The following SPATA6 variants were observed in gnomAD, a reference collection of about 807,000 sequenced individuals.
SPATA6 encodes the protein spermatogenesis-associated protein 6.
Under a neutral mutation model 65.3 loss-of-function variants are expected in SPATA6, and 56 were observed. That is an observed-to-expected ratio of 0.86 (90% CI 0.69 to 1.07). SPATA6 has a LOEUF of 1.07. Among genes scored for constraint, SPATA6 ranks in the 50% least tolerant of loss-of-function variants. The probability of loss-of-function intolerance (pLI) is 0.00; values close to 1 mark genes in which losing one functional copy is unlikely to be tolerated. For synonymous variants in SPATA6, 199 were observed against 213.2 expected (o/e 0.93, Z 0.58); for missense variants, 590 against 594.8 (o/e 0.99, Z 0.08).
chr1:48,333,646 A>C (rs1645977688), intron 11 of SPATA6, among the ~76,000 whole-genome samples: 1 of 152,248 alleles, frequency 6.6e-6, no homozygotes, highest in Admixed American at 6.5e-5. Flanking sequence ...AAGCTGAGGC[A>C]GTGTTAAGAG....
chr1:48,391,428 T>A (rs1237233389), intron 8 of SPATA6, among the ~76,000 whole-genome samples: 1 of 152,034 alleles, frequency 6.6e-6, no homozygotes, highest in African/African-American at 2.4e-5. Context: ...TAATAATTTC[T>A]GGAAATAGTA....
At position 48,441,622 on chromosome 1, in the gene SPATA6, T is replaced by C. The variant is rs138432973; in HGVS notation, c.238+9930A>G. On this transcript the variant is annotated intron_variant, in intron 3 of 12. Coordinates refer to ENST00000371847, the MANE Select transcript of SPATA6 (RefSeq NM_019073.4). The stretch of plus-strand genomic sequence containing the variant: ...CAAGCTCCAGCCCTAAGCCTTCCCA[T>C]AGGACAAAACTTCTCTTTACACGTC... 5.5e-3 allele frequency among the ~76,000 whole-genome samples: 836 copies of C among 151,212 alleles called. 8 individuals are homozygous for C. The highest frequency in any genetic ancestry group is 0.019 in the African/African-American group (789 of 41,272).
At chr1:48,389,986 C>T (rs1445602306) in intron 8 of SPATA6, among the ~76,000 whole-genome samples, 1 of 152,018 alleles carries the variant, frequency 6.6e-6, no homozygotes, top group Non-Finnish European at 1.5e-5. Flanking sequence ...CAGAAAATAA[C>T]AATATGGCAG....
rs1651413349 is a variant in SPATA6 at position 48,403,787 on chromosome 1, A to G, written c.486+15T>C. 2 of 1,581,582 alleles carry G rather than the reference A, an allele frequency of 1.3e-6. No homozygotes were observed. The highest frequency in any genetic ancestry group is 2.7e-5 in the African/African-American group (2 of 73,726). On this transcript the variant is annotated intron_variant, in intron 6 of 12. Coordinates refer to ENST00000371847, the MANE Select transcript of SPATA6 (RefSeq NM_019073.4). ...TAAATTAAACCATTAAATACTTTATACAAATAATTTTAACCTGAGTGTGGC... is the reference window on the plus strand; with the variant it reads ...TAAATTAAACCATTAAATACTTTATGCAAATAATTTTAACCTGAGTGTGGC...
intron 1 of SPATA6, among the ~76,000 whole-genome samples, chr1:48,458,590 T>C (rs560028416): frequency 3.3e-5 from 5 of 152,176 alleles, no homozygotes; most frequent in East Asian, 1.9e-4. Flanking sequence ...GTCCATACAA[T>C]GAAATATTAT....
At chr1:48,397,917 GA>G (rs1445430301) in intron 7 of SPATA6, among the ~76,000 whole-genome samples, 1 of 151,470 alleles carries the variant, frequency 6.6e-6, no homozygotes, top group Non-Finnish European at 1.5e-5. Context: ...AACATTTAAA[GA>G]AAAGCAGTTA....
chr1:48,409,131 A>G (rs996955433), intron 5 of SPATA6, among the ~76,000 whole-genome samples: 1 of 152,244 alleles, frequency 6.6e-6, no homozygotes, highest in Non-Finnish European at 1.5e-5. Flanking sequence ...AAAATCAAAA[A>G]CAAGTTAGTA....
At chr1:48,439,330 G>A (rs1459275164) in intron 3 of SPATA6, among the ~76,000 whole-genome samples, 2 of 152,232 alleles carry the variant, frequency 1.3e-5, no homozygotes, top group Non-Finnish European at 2.9e-5. Context: ...TGTTTCTGCT[G>A]CTGCGATGCT....
chr1:48,388,109 G>A (rs1254465872), intron 8 of SPATA6, among the ~76,000 whole-genome samples: 1 of 152,130 alleles, frequency 6.6e-6, no homozygotes, highest in Non-Finnish European at 1.5e-5. Flanking sequence ...GCTCAATACT[G>A]CCACCACTGC....
chr1:48,463,781 GA>G (rs954875429), intron 1 of SPATA6, among the ~76,000 whole-genome samples: 4 of 151,620 alleles, frequency 2.6e-5, no homozygotes, highest in East Asian at 3.9e-4. Flanking sequence ...AAAAATAAGT[GA>G]AAAAAAGTAG....
At chr1:48,369,919 G>C (rs1647185060) in intron 9 of SPATA6, among the ~76,000 whole-genome samples, 1 of 152,148 alleles carries the variant, frequency 6.6e-6, no homozygotes, top group African/African-American at 2.4e-5. Flanking sequence ...GGCCATCTTG[G>C]CTCCACCCTC....
chr1:48,342,782 G>C (rs1041772262), intron 11 of SPATA6, among the ~76,000 whole-genome samples: 1 of 152,138 alleles, frequency 6.6e-6, no homozygotes, highest in African/African-American at 2.4e-5. Flanking sequence ...CCTGGATGCT[G>C]TTCACACATG....
rs182373014 is a variant in SPATA6, at chr1:48,369,623, G to A, written c.910-9853C>T. Reference sequence around the variant, plus strand: ...TCCTGGTGTGCCGTTTTTTAAGCCCGTCGGAAAAGCGCAGTAGTGGGGTGG... The same window carrying A: ...TCCTGGTGTGCCGTTTTTTAAGCCCATCGGAAAAGCGCAGTAGTGGGGTGG... On this transcript the variant is annotated intron_variant, in intron 9 of 12. Transcript: ENST00000371847. Among the ~76,000 whole-genome samples, 118 of 152,306 alleles carry A rather than the reference G, an allele frequency of 7.7e-4. 1 individual carries two copies. In the South Asian group the frequency reaches 0.011, roughly 14 times the overall value.
At chr1:48,431,885 T>A (rs1181038556) in intron 3 of SPATA6, among the ~76,000 whole-genome samples, 24 of 151,998 alleles carry the variant, frequency 1.6e-4, no homozygotes, top group Admixed American at 1.5e-3. Context: ...CCAAGGTGGG[T>A]GGATTGTTTG....
In SPATA6 at chr1:48,453,143, T is replaced by C; in HGVS notation, c.52-12A>G. On this transcript the variant is annotated splice_polypyrimidine_tract_variant and intron_variant, in intron 1 of 12. Coordinates refer to ENST00000371847, the MANE Select transcript of SPATA6 (RefSeq NM_019073.4). ...CCTGGGCAAGTTACCTGAAAGAAAT[T>C]AGATAAAATGGATGTAACTGCTTTA... 6.2e-7 allele frequency: 1 copy of C among 1,606,928 alleles called. No individual in the cohort carries two copies. Among genetic ancestry groups the C allele is most frequent in the Non-Finnish European group, 8.5e-7 (1 of 1,177,746 alleles).
intron 11 of SPATA6, among the ~76,000 whole-genome samples, chr1:48,313,283 G>A (rs1465092036): frequency 2.0e-5 from 3 of 152,204 alleles, no homozygotes; most frequent in East Asian, 1.9e-4. Flanking sequence ...AATGTTAAGG[G>A]CAGCCAGAGA....
At chr1:48,360,543 G>C (rs1646782230) in intron 9 of SPATA6, among the ~76,000 whole-genome samples, 1 of 145,374 alleles carries the variant, frequency 6.9e-6, no homozygotes, top group Non-Finnish European at 1.6e-5. Context: ...AAAGATCTTG[G>C]GAGTAGGAGG....
In SPATA6 at chr1:48,436,438, G is replaced by A. The variant is rs191981685; in HGVS notation, c.238+15114C>T. 5.8e-4 allele frequency: 929 copies of A among 1,607,566 alleles called. 5 individuals are homozygous for A. In the East Asian group the frequency reaches 9.4e-3, roughly 16 times the overall value. ...GACCTGTTTTCCTGAAGGAATGAGT[G>A]AAACTTTAATAAGAAACATTATCTT... On this transcript the variant is annotated intron_variant, in intron 3 of 12. Transcript: ENST00000371847.
At chr1:48,286,940 G>A in the SPATA6 span, among the ~76,000 whole-genome samples, 1 of 151,384 alleles carries the variant, frequency 6.6e-6, no homozygotes, top group East Asian at 2.0e-4. Flanking sequence ...TTGGGAGACT[G>A]AGGCAGGAGA....
Sources: allele counts gnomAD v4.1 joint callset (sites outside exome capture counted in the v4.1 genomes callset), GRCh38; gene constraint gnomAD v4.1.1; transcripts MANE v1.5; gene names NCBI Gene and HGNC (gene_info 2026-07-23, HGNC 2026-07-21).